The following TCF20 variants were observed in gnomAD, a reference collection of about 807,000 sequenced individuals.
The protein encoded by TCF20 is transcription factor 20, also known as SPRE-binding protein.
In TCF20, 3 loss-of-function variants were observed where a neutral mutation model predicts 148.6. The observed-to-expected ratio is 0.02, with a 90% CI of 0.01 to 0.05. The LOEUF (loss-of-function observed/expected upper bound fraction) is 0.05. TCF20 is among the 10% of genes least tolerant of loss of function. The pLI is 1.00. For synonymous variants in TCF20, 1,049 were observed against 909.5 expected, an observed-to-expected ratio of 1.15 and a Z score of -2.76; for missense variants, 2,350 against 2,429.3, an observed-to-expected ratio of 0.97 and a Z score of 0.69.
At chr22:42,258,020 G>A (rs1925835961) in intron 1 of TCF20, among the ~76,000 whole-genome samples, 3 of 152,144 alleles carry the variant, frequency 2.0e-5, no homozygotes, top group Admixed American at 2.0e-4. Flanking sequence ...CTAATATATG[G>A]GGAACAGTGG....
At chr22:42,258,390 G>A (rs946294496) in intron 1 of TCF20, among the ~76,000 whole-genome samples, 5 of 152,078 alleles carry the variant, frequency 3.3e-5, no homozygotes, top group Non-Finnish European at 7.3e-5. Context: ...TGTGGGAGAA[G>A]GATATTCTTA....
chr22:42,244,614 G>C (rs1187437736), intron 1 of TCF20, among the ~76,000 whole-genome samples: 1 of 152,132 alleles, frequency 6.6e-6, no homozygotes, highest in African/African-American at 2.4e-5. Context: ...GCAGATCGGT[G>C]GTTGCAAAGG....
intron 2 of TCF20, among the ~76,000 whole-genome samples, chr22:42,183,776 CT>C (rs58819800): frequency 0.036 from 5,102 of 139,856 alleles, 126 homozygotes; most frequent in African/African-American, 0.079. Flanking sequence ...CTTTTAGGTT[CT>C]TTTTTTTTTT....
chr22:42,214,119 A>G lies in TCF20; in HGVS notation c.1187T>C (p.Leu396Pro). The G allele has an allele frequency of 1.2e-6, 2 of 1,614,190 alleles. No individual in the cohort carries two copies. The highest frequency in any genetic ancestry group is 1.1e-5 in the South Asian group (1 of 91,084). The change falls in exon 2 of 6, where the codon CTC becomes CCC. Residue 396 changes from leucine (L) to proline (P), a missense_variant. Leu to Pro is a moderately conservative substitution (Grantham distance 98). This residue lies in a region of TCF20 where 1,641 missense variants were observed against 1,662.6 expected (regional missense o/e 0.99). Transcript: ENST00000677622. ...AGGCACACTGCCTTGCCCACACTGG[A>G]GATTCTCCCCAGTCTGCATGAGAGG... is the stretch of plus-strand genomic sequence containing the variant. ...PSPLMQTGENLQCGQGSVPMG... is the reference protein window; with the variant it reads ...PSPLMQTGENPQCGQGSVPMG...
At chr22:42,325,658 C>T (rs1927861975) in intron 1 of TCF20, among the ~76,000 whole-genome samples, 1 of 152,216 alleles carries the variant, frequency 6.6e-6, no homozygotes, top group South Asian at 2.1e-4. Flanking sequence ...CCTCAAGGAG[C>T]TCACAGTCCA....
intron 1 of TCF20, among the ~76,000 whole-genome samples, chr22:42,246,909 T>C (rs1924956996): frequency 6.9e-6 from 1 of 145,156 alleles, no homozygotes; most frequent in Non-Finnish European, 1.5e-5. Context: ...GGGGTTGCAG[T>C]GAGCCGAGAT....
At chr22:42,248,174 C>T (rs560110820) in intron 1 of TCF20, among the ~76,000 whole-genome samples, 1 of 152,322 alleles carries the variant, frequency 6.6e-6, no homozygotes, top group Admixed American at 6.5e-5. Context: ...AGCACGTACT[C>T]ATGTGGGCGC....
intron 1 of TCF20, among the ~76,000 whole-genome samples, chr22:42,221,195 T>C (rs1420173798): frequency 6.6e-6 from 1 of 152,212 alleles, no homozygotes; most frequent in African/African-American, 2.4e-5. Context: ...TGGAGGTAGA[T>C]GCAGCACACG....
rs772750401 is a variant in TCF20 at position 42,212,782 on chromosome 22, G to T, written c.2524C>A (p.Pro842Thr). 70 of 1,614,078 alleles carry T rather than the reference G, an allele frequency of 4.3e-5. No individual in the cohort carries two copies. The highest frequency in any genetic ancestry group is 5.9e-5 in the Non-Finnish European group (70 of 1,180,046). The change falls in exon 2 of 6, where the codon CCC (proline) becomes ACC (threonine). Residue 842 changes from proline (P) to threonine (T), a missense_variant. Physicochemically the swap from Pro to Thr is conservative, Grantham distance 38 (BLOSUM62 -1). Around this residue, in one of 7 missense-constraint regions of TCF20, gnomAD observed 1,641 missense variants for 1,662.6 expected, o/e 0.99. Coordinates refer to ENST00000677622, the MANE Select transcript of TCF20 (RefSeq NM_001378418.1). ...KQINLTDYPI[P>T]RKFEIEPQSS... ...TGAGGCTCTATTTCAAACTTTCTGG[G>T]AATTGGATAGTCAGTCAAATTGATC...
intron 2 of TCF20, among the ~76,000 whole-genome samples, chr22:42,187,174 C>T (rs1354594324): frequency 6.6e-6 from 1 of 152,194 alleles, no homozygotes; most frequent in Non-Finnish European, 1.5e-5. Context: ...TTAGGTCCAA[C>T]AGATGGTACT....
chr22:42,211,612 G>T lies in TCF20; in HGVS notation c.3694C>A (p.Pro1232Thr), dbSNP rs1284376785. The change falls in exon 2 of 6, where the codon CCT (proline) becomes ACT (threonine). Residue 1232 changes from proline (P) to threonine (T), a missense_variant. Physicochemically the swap from Pro to Thr is conservative, Grantham distance 38. Coordinates refer to ENST00000677622, the MANE Select transcript of TCF20 (RefSeq NM_001378418.1). ...GGAAGTCTCAGCATAACACTACCAGGTTTGGATGACTGTGTAGCCTCAGCT... is the reference window on the plus strand; with the variant it reads ...GGAAGTCTCAGCATAACACTACCAGTTTTGGATGACTGTGTAGCCTCAGCT... ...GLAEATQSSK[P>T]GSVMLRLPGQ... 3.7e-6 allele frequency: 6 copies of T among 1,614,090 alleles called. No individual in the cohort carries two copies. The highest frequency in any genetic ancestry group is 5.1e-6 in the Non-Finnish European group (6 of 1,180,048).
intron 1 of TCF20, among the ~76,000 whole-genome samples, chr22:42,319,718 A>G (rs971650325): frequency 6.6e-6 from 1 of 152,132 alleles, no homozygotes; most frequent in Non-Finnish European, 1.5e-5. Context: ...ACAACTAAAC[A>G]AAGTGTCAGG....
At chr22:42,167,660 C>T (rs562523983) in intron 5 of TCF20, among the ~76,000 whole-genome samples, 4 of 152,252 alleles carry the variant, frequency 2.6e-5, no homozygotes, top group African/African-American at 9.6e-5. Context: ...AGATGCCTGC[C>T]AAGAGGGCCG....
At chr22:42,196,059 CA>C (rs1937589920) in intron 2 of TCF20, among the ~76,000 whole-genome samples, 1 of 152,200 alleles carries the variant, frequency 6.6e-6, no homozygotes, top group South Asian at 2.1e-4. Context: ...TGGGCATTTG[CA>C]TAAGTGCTGG....
At position 42,264,729 on chromosome 22, in the gene TCF20, C is replaced by T. The variant is rs115417795; in HGVS notation, c.-37+5610G>A. On this transcript the variant is annotated intron_variant, in intron 1 of 5. Transcript: ENST00000677622. ...CACATTGTTTTCTTATTTTCTTCAC[C>T]GCTATTATCATCACCTGACATTTTT... Among the ~76,000 whole-genome samples the T allele has an allele frequency of 1.8e-3, 272 of 152,328 alleles. 1 individual carries two copies. The highest frequency in any genetic ancestry group is 5.6e-3 in the African/African-American group (234 of 41,572).
intron 2 of TCF20, among the ~76,000 whole-genome samples, chr22:42,196,224 G>A (rs766077011): frequency 6.6e-6 from 1 of 152,240 alleles, no homozygotes; most frequent in Non-Finnish European, 1.5e-5. Context: ...TGGGTGCTAA[G>A]TGGTGTAACA....
At chr22:42,217,317 T>A (rs1362510423) in intron 1 of TCF20, among the ~76,000 whole-genome samples, 1 of 152,188 alleles carries the variant, frequency 6.6e-6, no homozygotes, top group Non-Finnish European at 1.5e-5. Flanking sequence ...CAGAGCCAGA[T>A]AGCTTGCTCT....
intron 5 of TCF20, among the ~76,000 whole-genome samples, chr22:42,164,988 T>C (rs988507260): frequency 1.3e-5 from 2 of 152,130 alleles, no homozygotes; most frequent in African/African-American, 2.4e-5. Flanking sequence ...GTGTGGAAGA[T>C]GACAAGAATC....
rs116371937 is a variant in TCF20 at position 42,325,702 on chromosome 22, G to A, written c.-37+17777C>T. Among the ~76,000 whole-genome samples, 701 of 152,288 alleles carry A rather than the reference G, an allele frequency of 4.6e-3. 11 individuals carry two copies. Among genetic ancestry groups the A allele is most frequent in the African/African-American group, 0.016 (662 of 41,562 alleles). ...TAGAAGCTGGGCCGCACCCAAGGAC[G>A]GCACCCTGAGGCTACGCAGGACAGG... On this transcript the variant is annotated intron_variant, in intron 1 of 1. Transcript: ENST00000515426.
Sources: gnomAD v4.1 joint callset for allele counts (sites outside exome capture counted in the v4.1 genomes callset) on GRCh38, gnomAD v4.1.1 for gene constraint, gnomAD v4.1.1 regional missense constraint, MANE v1.5 for transcripts, NCBI Gene and HGNC (gene_info 2026-07-23, HGNC 2026-07-21) for gene names.